Variants in TPRG1 observed in about 807,000 individuals in gnomAD.
TPRG1 encodes tumor protein p63 regulated 1.
A neutral mutation model predicts 29.3 loss-of-function variants in TPRG1; 29 were observed. That is an observed-to-expected ratio of 0.99 (90% CI 0.74 to 1.35). The LOEUF (loss-of-function observed/expected upper bound fraction) is 1.35. Among genes scored for constraint, TPRG1 ranks in the 40% most tolerant of loss-of-function variants. The pLI is 0.00. For missense variants in TPRG1, 327 were observed against 335.0 expected, an observed-to-expected ratio of 0.98 and a Z score of 0.19; for synonymous variants, 130 against 116.8, an observed-to-expected ratio of 1.11 and a Z score of -0.73.
At chr3:189,159,222 T>TA (rs1166366114) in intron 5 of TPRG1, among the ~76,000 whole-genome samples, 2 of 152,080 alleles carry the variant, frequency 1.3e-5, no homozygotes, top group Non-Finnish European at 2.9e-5. Flanking sequence ...GCCATACACA[T>TA]AAAAAAAGAC....
intron 4 of TPRG1, among the ~76,000 whole-genome samples, chr3:189,083,110 C>G (rs1026069961): frequency 6.6e-6 from 1 of 152,080 alleles, no homozygotes; most frequent in Admixed American, 6.6e-5. Context: ...TGGAAGCTGG[C>G]AGGCCTGTTT....
At chr3:189,281,001 G>A (rs772263494) in intron 4 of TPRG1, among the ~76,000 whole-genome samples, 1 of 152,132 alleles carries the variant, frequency 6.6e-6, no homozygotes, top group South Asian at 2.1e-4. Flanking sequence ...TCTCCTACAT[G>A]TCAGTTAGTG....
chr3:189,297,005 G>C (rs919811295), intron 4 of TPRG1, among the ~76,000 whole-genome samples: 6 of 151,846 alleles, frequency 4.0e-5, no homozygotes, highest in Middle Eastern at 3.4e-3. Flanking sequence ...TCTGAAACAG[G>C]ATTTTACTCC....
At chr3:189,075,089 C>T (rs563826916) in intron 4 of TPRG1, among the ~76,000 whole-genome samples, 64 of 151,910 alleles carry the variant, frequency 4.2e-4, no homozygotes, top group African/African-American at 1.5e-3. Context: ...CCCTTAATAT[C>T]AGTTTTACAG....
At chr3:189,293,852 A>T (rs986110031) in intron 4 of TPRG1, among the ~76,000 whole-genome samples, 1 of 152,116 alleles carries the variant, frequency 6.6e-6, no homozygotes, top group East Asian at 1.9e-4. Flanking sequence ...AGTTCCGACC[A>T]TTTAATCGTC....
At chr3:189,242,328 T>G (rs1280267402) in intron 4 of TPRG1, among the ~76,000 whole-genome samples, 2 of 152,156 alleles carry the variant, frequency 1.3e-5, no homozygotes, top group Non-Finnish European at 2.9e-5. Context: ...TGTGTCAATA[T>G]CTGGTTGAGT....
At chr3:189,156,338 A>G (rs1245080623) in intron 5 of TPRG1, among the ~76,000 whole-genome samples, 1 of 149,100 alleles carries the variant, frequency 6.7e-6, no homozygotes, top group Non-Finnish European at 1.5e-5. Context: ...CAGATGCCTG[A>G]CCTCCAGAAC....
chr3:189,019,174 C>G (rs1713138919), intron 3 of TPRG1, among the ~76,000 whole-genome samples: 1 of 151,078 alleles, frequency 6.6e-6, no homozygotes, highest in South Asian at 2.1e-4. Context: ...ATGTCGTCTG[C>G]AAACAGGGAC....
upstream of TPRG1, among the ~76,000 whole-genome samples, chr3:189,098,034 A>G (rs972346599): frequency 2.0e-5 from 3 of 152,188 alleles, no homozygotes; most frequent in African/African-American, 4.8e-5. Context: ...TCTTTCTGCA[A>G]TCTCATTCTG....
upstream of TPRG1, among the ~76,000 whole-genome samples, chr3:189,098,273 T>C (rs1009038185): frequency 6.6e-6 from 1 of 151,808 alleles, no homozygotes; most frequent in African/African-American, 2.4e-5. Context: ...GGGAAATAAA[T>C]GAAGAAAAAC....
intron 3 of TPRG1, among the ~76,000 whole-genome samples, chr3:189,022,227 C>T (rs1713358252): frequency 6.6e-6 from 1 of 152,124 alleles, no homozygotes; most frequent in Non-Finnish European, 1.5e-5. Flanking sequence ...CTTCTTCTTT[C>T]AGCTCGTCAA....
At chr3:189,056,018 CCCTTCCCTCCCTCCCTTCCTT>C in intron 4 of TPRG1, among the ~76,000 whole-genome samples, 2 of 128,106 alleles carry the variant, frequency 1.6e-5, no homozygotes, top group Admixed American at 7.8e-5. Context: ...CTCCCTCCCT[CCCTTCCCTCCCTCCCTTCCTT>C]CCTTCCTTCC....
At chr3:189,006,887 G>T (rs549060849) in intron 3 of TPRG1, among the ~76,000 whole-genome samples, 1 of 152,098 alleles carries the variant, frequency 6.6e-6, no homozygotes, top group Non-Finnish European at 1.5e-5. Flanking sequence ...TACAGAGACC[G>T]CATGGCCTGC....
At chr3:189,151,759 T>C (rs1000812381) in intron 5 of TPRG1, among the ~76,000 whole-genome samples, 2 of 152,068 alleles carry the variant, frequency 1.3e-5, no homozygotes, top group African/African-American at 4.8e-5. Context: ...CATGCCCCTG[T>C]AGTCCCAGCT....
intron 4 of TPRG1, among the ~76,000 whole-genome samples, chr3:189,033,130 C>G (rs895581661): frequency 6.6e-6 from 1 of 152,048 alleles, no homozygotes; most frequent in Non-Finnish European, 1.5e-5. Flanking sequence ...CATTTTGGAC[C>G]AGAACTTATC....
At chr3:189,266,993 T>A (rs552157294) in intron 4 of TPRG1, among the ~76,000 whole-genome samples, 1 of 152,198 alleles carries the variant, frequency 6.6e-6, no homozygotes, top group African/African-American at 2.4e-5. Flanking sequence ...GACAATGGTC[T>A]AGTTGTCTCT....
intron 4 of TPRG1, among the ~76,000 whole-genome samples, chr3:189,293,791 T>C (rs1227838905): frequency 1.3e-5 from 2 of 152,348 alleles, no homozygotes; most frequent in East Asian, 1.9e-4. Context: ...ACTCACAGGC[T>C]CCTAACTGTT....
upstream of TPRG1, among the ~76,000 whole-genome samples, chr3:189,167,031 A>G (rs1302355078): frequency 6.6e-6 from 1 of 152,220 alleles, no homozygotes; most frequent in Admixed American, 6.5e-5. Context: ...CACAGTGTGA[A>G]CTGGCCTCAG....
Position 189,163,001 on chromosome 3 carries a change from G to T in TPRG1, c.-10+12129G>T, listed in dbSNP as rs549851090. Reference sequence around the variant, plus strand: ...ACATAGAGTTCTTAGGCTGGGTGTGGTGGCTCACACCTGTAATCCCAGTAC... The same window carrying T: ...ACATAGAGTTCTTAGGCTGGGTGTGTTGGCTCACACCTGTAATCCCAGTAC... On this transcript the variant is annotated intron_variant, in intron 5 of 6. Transcript: ENST00000412373. 3.3e-5 allele frequency among the ~76,000 whole-genome samples: 5 copies of T among 152,306 alleles called. No homozygotes were observed. In the South Asian group the frequency reaches 6.2e-4, roughly 19 times the overall value.
Sources: gnomAD v4.1 joint callset for allele counts (sites outside exome capture counted in the v4.1 genomes callset) on GRCh38, gnomAD v4.1.1 for gene constraint, MANE v1.5 for transcripts, NCBI Gene and HGNC (gene_info 2026-07-23, HGNC 2026-07-21) for gene names.